The following RARG variants were observed in gnomAD, a reference collection of about 807,000 sequenced individuals.
The protein encoded by RARG is RAR-gamma.
RARG carries 17 observed loss-of-function variants against 43.7 expected under a neutral mutation model. The ratio of observed to expected loss-of-function variants is 0.39; its 90% CI spans 0.27 to 0.58. RARG has a LOEUF of 0.58. RARG is among the 20% of genes least tolerant of loss of function. RARG has a pLI of 0.57. For missense variants in RARG, 346 were observed against 598.7 expected, an observed-to-expected ratio of 0.58 and a Z score of 4.40; for synonymous variants, 238 against 236.4, an observed-to-expected ratio of 1.01 and a Z score of -0.06.
chr12:53,226,191 C>T (rs897412111), intron 3 of RARG, among the ~76,000 whole-genome samples: 14 of 152,148 alleles, frequency 9.2e-5, no homozygotes, highest in African/African-American at 2.9e-4. Context: ...TGCAGTGGCG[C>T]GATCTTGGCT....
In RARG at chr12:53,213,657, A is replaced by G; in HGVS notation, c.857T>C (p.Met286Thr). 1 of 1,613,686 alleles carries G rather than the reference A, an allele frequency of 6.2e-7. No homozygotes were observed. Among genetic ancestry groups the G allele is most frequent in the Non-Finnish European group, 8.5e-7 (1 of 1,179,772 alleles). ...CTRYTPEQDT[M>T]TFSDGLTLNR... is the part of the protein sequence containing the mutation. Reference sequence around the variant, plus strand: ...CAGGGTCAGCCCGTCGGAGAAGGTCATGGTGTCCTGCTCTGGGGTGTACCT... The same window carrying G: ...CAGGGTCAGCCCGTCGGAGAAGGTCGTGGTGTCCTGCTCTGGGGTGTACCT... The change falls in exon 8 of 10, where the codon ATG (methionine) becomes ACG (threonine). Residue 286 changes from methionine (M) to threonine (T), a missense_variant. Coordinates refer to ENST00000425354, the MANE Select transcript of RARG (RefSeq NM_000966.6). This position sits in a 1 kb window ranked among gnomAD's most constrained non-coding sequence, Gnocchi z 4.7.
In RARG at chr12:53,227,250, C is replaced by T. The variant is rs1301524522; in HGVS notation, c.184+112G>A. 3 of 1,211,544 alleles carry T rather than the reference C, an allele frequency of 2.5e-6. No individual in the cohort carries two copies. The highest frequency in any genetic ancestry group is 3.4e-6 in the Non-Finnish European group (3 of 880,060). The allele number at this position is 1,211,544 out of a possible 1,614,324, so 75.0% of individuals were successfully genotyped here. ...TTCACTACTACTCCATTAGGCCAAA[C>T]CCCTGTCCCCTGCCTGCCTTCCTAA... On this transcript the variant is annotated intron_variant, in intron 3 of 9. Transcript: ENST00000425354. The surrounding 1 kb of genome is among the most constrained non-coding windows in gnomAD (Gnocchi z 4.3).
chr12:53,215,815 T>TGA lies in RARG; in HGVS notation c.185-23_185-22dup. ...CACCGCTGGGAGGGAAGCAGTGATG[T>TGA]GAGGGTCAGGGGAGAAGGACCCCAC... On this transcript the variant is annotated intron_variant, in intron 3 of 9. Coordinates refer to ENST00000425354, the MANE Select transcript of RARG (RefSeq NM_000966.6). The surrounding 1 kb of genome is among the most constrained non-coding windows in gnomAD (Gnocchi z 6.4). 6.3e-7 allele frequency: 1 copy of TGA among 1,584,096 alleles called. No homozygotes were observed. The highest frequency in any genetic ancestry group is 8.6e-7 in the Non-Finnish European group (1 of 1,163,632).
Position 53,215,706 on chromosome 12 carries a change from G to A in RARG, c.273C>T (p.Phe91=). 1.2e-6 allele frequency: 2 copies of A among 1,613,840 alleles called. No homozygotes were observed. Among genetic ancestry groups the A allele is most frequent in the Non-Finnish European group, 1.7e-6 (2 of 1,179,964 alleles). Residue 91 remains phenylalanine, a synonymous_variant, in exon 4 of 10, where the codon TTC becomes TTT. Transcript: ENST00000425354. This position sits in a 1 kb window ranked among gnomAD's most constrained non-coding sequence, Gnocchi z 6.4. ...AGCCAGAGGACTTGTCATTGCACACGAAGCATGGCTTGTAGACCCGAGGAG... is the reference window on the plus strand; with the variant it reads ...AGCCAGAGGACTTGTCATTGCACACAAAGCATGGCTTGTAGACCCGAGGAG... The part of the protein sequence containing the change: ...PPPPRVYKPC[F]VCNDKSSGYH...
At chr12:53,222,028 G>T (rs1203595717) in intron 3 of RARG, among the ~76,000 whole-genome samples, 45 of 151,588 alleles carry the variant, frequency 3.0e-4, no homozygotes, top group Admixed American at 2.8e-3. Context: ...GGGGCGGGGG[G>T]CTGCCGGGGC....
chr12:53,214,931 TG>T (rs1942718629), intron 5 of RARG: 2 of 334,422 alleles, frequency 6.0e-6, no homozygotes, highest in South Asian at 4.4e-5. Context: ...GGCAGCACAA[TG>T]GGGGCGAGGG....
intron 2 of RARG, among the ~76,000 whole-genome samples, chr12:53,230,322 G>C (rs1378086478): frequency 6.6e-6 from 1 of 151,966 alleles, no homozygotes; most frequent in African/African-American, 2.4e-5. Context: ...ATGGATGAAG[G>C]GGGCTGCCGG....
At chr12:53,230,327 T>C (rs906883539) in intron 2 of RARG, among the ~76,000 whole-genome samples, 1 of 151,498 alleles carries the variant, frequency 6.6e-6, no homozygotes, top group Non-Finnish European at 1.5e-5. Context: ...TGAAGGGGGC[T>C]GCCGGATGGA....
intron 3 of RARG, among the ~76,000 whole-genome samples, chr12:53,216,839 T>TGCGCGC (rs1330982274): frequency 4.1e-5 from 6 of 146,726 alleles, no homozygotes; most frequent in Non-Finnish European, 7.5e-5. Context: ...TGTGTGTGTG[T>TGCGCGC]GTGCGCGCGC....
At chr12:53,220,393 A>T (rs1942922970) in intron 3 of RARG, 4 of 74,364 alleles carry the variant, frequency 5.4e-5, no homozygotes, top group Non-Finnish European at 7.7e-5. Context: ...CGAAGCCTGG[A>T]GGGGTGGGGG....
rs1013011038 is a variant in RARG at position 53,232,084 on chromosome 12, G to T, written c.-320C>A. 6.1e-4 allele frequency: 245 copies of T among 398,618 alleles called. 1 individual carries two copies. The highest frequency in any genetic ancestry group is 1.1e-3 in the Admixed American group (24 of 22,732). The allele number at this position is 398,618 out of a possible 1,614,324, so 24.7% of individuals were successfully genotyped here. On this transcript the variant is annotated 5_prime_UTR_variant, in exon 1 of 10. Coordinates refer to ENST00000425354, the MANE Select transcript of RARG (RefSeq NM_000966.6). ...GGCTCGCCGTACTGGGGGGCTCCTGGGGGGGCACGGCTCTAGGCTGGGACT... is the reference window on the plus strand; with the variant it reads ...GGCTCGCCGTACTGGGGGGCTCCTGTGGGGGCACGGCTCTAGGCTGGGACT...
chr12:53,231,613 A>G (rs1418577116), intron 1 of RARG: 1 of 153,406 alleles, frequency 6.5e-6, no homozygotes, highest in East Asian at 1.9e-4. Flanking sequence ...GCCCGGGGGT[A>G]AGGGGGTGGT....
chr12:53,213,948 CACA>C lies in RARG; in HGVS notation c.813+108_813+110del. 1 of 1,310,602 alleles carries C rather than the reference CACA, an allele frequency of 7.6e-7. No individual in the cohort carries two copies. 81.2% of individuals were successfully genotyped at this position (1,310,602 alleles called of 1,614,324 possible). A position where few individuals can be genotyped will look rare whatever the true frequency, so the allele number is the denominator to read the frequency against. ...AGACGAAAAGAGAGCTGAGGAGTCCCACATGTGTGGCAGGGGGTGCAGGGTAAG... is the reference window on the plus strand; with the variant it reads ...AGACGAAAAGAGAGCTGAGGAGTCCCTGTGTGGCAGGGGGTGCAGGGTAAG... On this transcript the variant is annotated intron_variant, in intron 7 of 9. Transcript: ENST00000425354. This position sits in a 1 kb window ranked among gnomAD's most constrained non-coding sequence, Gnocchi z 4.7.
chr12:53,219,482 G>C (rs1202028298), intron 3 of RARG, among the ~76,000 whole-genome samples: 1 of 152,216 alleles, frequency 6.6e-6, no homozygotes, highest in African/African-American at 2.4e-5. Context: ...AGCTGTCGCA[G>C]GCGACACTGG....
intron 3 of RARG, among the ~76,000 whole-genome samples, chr12:53,216,384 G>A (rs1323644506): frequency 2.6e-5 from 4 of 152,100 alleles, no homozygotes; most frequent in African/African-American, 9.7e-5. Context: ...AACTCCTCAG[G>A]CTTATCTCTC....
chr12:53,232,182 G>A lies in RARG; in HGVS notation c.-418C>T, dbSNP rs1359376925. ...TATCCGACACATTTTCTCCCAAACC[G>A]CACACTGACTCTGCAGGCGGGGACA... On this transcript the variant is annotated 5_prime_UTR_variant, in exon 1 of 10. Coordinates refer to ENST00000425354, the MANE Select transcript of RARG (RefSeq NM_000966.6). The A allele has an allele frequency of 2.5e-6, 1 of 398,302 alleles. No homozygotes were observed. Among genetic ancestry groups the A allele is most frequent in the Non-Finnish European group, 4.4e-6 (1 of 225,974 alleles). The allele number at this position is 398,302 out of a possible 1,614,324, so 24.7% of individuals were successfully genotyped here.
chr12:53,230,549 G>T (rs2120745437), intron 2 of RARG, among the ~76,000 whole-genome samples: 1 of 152,180 alleles, frequency 6.6e-6, no homozygotes, highest in African/African-American at 2.4e-5. Flanking sequence ...AGTGGGCCAG[G>T]CTTCCTTGGC....
intron 3 of RARG, among the ~76,000 whole-genome samples, chr12:53,221,448 C>A (rs542377129): frequency 2.7e-4 from 41 of 152,330 alleles, no homozygotes; most frequent in Middle Eastern, 3.4e-3. Flanking sequence ...AGGGCTCCCT[C>A]GGCAATAGGG....
At position 53,222,289 on chromosome 12, in the gene RARG, GAGAA is replaced by G. The variant is rs944199817; in HGVS notation, c.184+5069_184+5072del. Among the ~76,000 whole-genome samples the G allele has an allele frequency of 2.3e-3, 325 of 140,260 alleles. 1 individual carries two copies. The highest frequency in any genetic ancestry group is 8.4e-3 in the African/African-American group (272 of 32,520). 92.0% of individuals were successfully genotyped at this position (140,260 alleles called of 152,430 possible). On this transcript the variant is annotated intron_variant, in intron 3 of 9. Transcript: ENST00000425354. ...AGAAAAAGGAAGAAAGAGAAAGGAG[GAGAA>G]AGAAAGAGAGAGAGAGAGAGAGAAA... is the stretch of plus-strand genomic sequence containing the variant.
Sources: gnomAD v4.1 joint callset for allele counts (sites outside exome capture counted in the v4.1 genomes callset) on GRCh38, gnomAD v4.1.1 for gene constraint, Gnocchi (gnomAD v3.1) non-coding constraint, MANE v1.5 for transcripts, NCBI Gene and HGNC (gene_info 2026-07-23, HGNC 2026-07-21) for gene names.